Variants in PSD3 observed in about 807,000 individuals in gnomAD.
PSD3 encodes the protein PH and SEC7 domain-containing protein 3.
A neutral mutation model predicts 105.5 loss-of-function variants in PSD3; 49 were observed. The observed-to-expected ratio is 0.46, with a 90% CI of 0.37 to 0.59. The LOEUF (loss-of-function observed/expected upper bound fraction) is 0.59. Ranked by LOEUF, PSD3 falls within the 20% of genes least tolerant of loss-of-function variation. The pLI, the probability that PSD3 is intolerant of heterozygous loss-of-function variation, is 0.00. For missense variants in PSD3, 1,561 were observed against 1,263.8 expected, an observed-to-expected ratio of 1.24 and a Z score of -3.57; for synonymous variants, 557 against 457.8, an observed-to-expected ratio of 1.22 and a Z score of -2.77.
chr8:18,845,458 G>A (rs891752059), intron 4 of PSD3, among the ~76,000 whole-genome samples: 5 of 152,278 alleles, frequency 3.3e-5, no homozygotes, highest in African/African-American at 1.2e-4. Context: ...GTCACTTCCA[G>A]GTGCATAGCA....
intron 8 of PSD3, among the ~76,000 whole-genome samples, chr8:18,766,155 A>C (rs1806980861): frequency 6.6e-6 from 1 of 151,932 alleles, no homozygotes; most frequent in African/African-American, 2.4e-5. Flanking sequence ...CCAACATGGC[A>C]AAATGCTGTC....
At chr8:18,919,044 C>T (rs1455124194) in intron 2 of PSD3, among the ~76,000 whole-genome samples, 1 of 152,042 alleles carries the variant, frequency 6.6e-6, no homozygotes, top group East Asian at 1.9e-4. Context: ...TTTTTTTAAG[C>T]ACTAGTCCCT....
intron 9 of PSD3, among the ~76,000 whole-genome samples, chr8:18,688,085 A>G (rs7017731): frequency 0.016 from 2,366 of 151,290 alleles, 51 homozygotes; most frequent in East Asian, 0.04. Flanking sequence ...TGCTATTTTT[A>G]TTTATATTTT....
intron 8 of PSD3, among the ~76,000 whole-genome samples, 153 bp from the exon 9 acceptor site, chr8:18,765,691 C>A (rs1420430183): frequency 1.3e-5 from 2 of 152,136 alleles, no homozygotes; most frequent in East Asian, 3.9e-4. Context: ...CTTTGGGAGG[C>A]CGAGGTGGGT....
intron 11 of PSD3, among the ~76,000 whole-genome samples, chr8:18,603,763 G>C (rs1804609003): frequency 6.6e-6 from 1 of 152,110 alleles, no homozygotes; most frequent in East Asian, 1.9e-4. Context: ...GAATGCTCGT[G>C]AGATCTGGTT....
intron 10 of PSD3, among the ~76,000 whole-genome samples, chr8:18,636,142 C>T (rs1487743): frequency 0.34 from 51,971 of 151,898 alleles, 9,179 homozygotes; most frequent in Middle Eastern, 0.47. Flanking sequence ...ATACATGAGG[C>T]GAAAGACAGT....
At chr8:18,667,036 G>T (rs1034725519) in intron 9 of PSD3, among the ~76,000 whole-genome samples, 2 of 152,100 alleles carry the variant, frequency 1.3e-5, no homozygotes, top group African/African-American at 4.8e-5. Context: ...TGGGTTCGTG[G>T]TCTCGCTGGC....
intron 14 of PSD3, among the ~76,000 whole-genome samples, chr8:18,565,355 C>T (rs1434111325): frequency 6.6e-6 from 1 of 152,094 alleles, no homozygotes; most frequent in Non-Finnish European, 1.5e-5. Flanking sequence ...AGTCTTTCCA[C>T]CCCCAATAGA....
chr8:18,883,947 A>T (rs1176353831), intron 2 of PSD3, among the ~76,000 whole-genome samples: 3 of 152,194 alleles, frequency 2.0e-5, no homozygotes, highest in African/African-American at 7.2e-5. Context: ...CAGTTAGTAA[A>T]CACCTTAAAA....
chr8:18,590,177 G>A (rs546500918), intron 12 of PSD3, among the ~76,000 whole-genome samples: 239 of 152,096 alleles, frequency 1.6e-3, no homozygotes, highest in Middle Eastern at 0.014. Context: ...CTCATATATG[G>A]CATTATTATA....
chr8:18,695,558 T>C (rs933254010), intron 9 of PSD3, among the ~76,000 whole-genome samples: 2 of 152,172 alleles, frequency 1.3e-5, no homozygotes, highest in African/African-American at 2.4e-5. Flanking sequence ...AAACAATACA[T>C]ATAATATTTA....
chr8:18,638,712 T>C (rs1178011342), intron 10 of PSD3, among the ~76,000 whole-genome samples: 3 of 152,186 alleles, frequency 2.0e-5, no homozygotes, highest in Non-Finnish European at 2.9e-5. Flanking sequence ...CAAATTCCAA[T>C]GTCATTTTTT....
At chr8:18,957,618 G>T (rs1306202624) in intron 1 of PSD3, among the ~76,000 whole-genome samples, 1 of 152,158 alleles carries the variant, frequency 6.6e-6, no homozygotes, top group African/African-American at 2.4e-5. Flanking sequence ...GACAGGGAGG[G>T]CTGTAAAAAA....
intron 1 of PSD3, among the ~76,000 whole-genome samples, chr8:18,945,088 G>C (rs1442713217): frequency 6.8e-6 from 1 of 147,006 alleles, no homozygotes; most frequent in Non-Finnish European, 1.5e-5. Flanking sequence ...ACACACATAC[G>C]TACACACACA....
At chr8:18,549,206 A>T (rs1427953644) in intron 15 of PSD3, among the ~76,000 whole-genome samples, 1 of 125,078 alleles carries the variant, frequency 8.0e-6, no homozygotes, top group Non-Finnish European at 1.6e-5. Flanking sequence ...TTTGAGACAG[A>T]GTTTCACTCT....
intron 1 of PSD3, among the ~76,000 whole-genome samples, chr8:18,956,509 T>C (rs148473087): frequency 2.0e-5 from 3 of 152,166 alleles, no homozygotes; most frequent in Non-Finnish European, 4.4e-5. Flanking sequence ...TAGAGTATAT[T>C]TAGTTGGTAG....
chr8:18,973,541 T>A (rs1452890659), intron 1 of PSD3, among the ~76,000 whole-genome samples: 1 of 152,160 alleles, frequency 6.6e-6, no homozygotes, highest in Non-Finnish European at 1.5e-5. Flanking sequence ...TAGGGGCCCA[T>A]CCTTATGACC....
intron 9 of PSD3, among the ~76,000 whole-genome samples, chr8:18,738,725 T>C (rs963911069): frequency 6.6e-6 from 1 of 152,102 alleles, no homozygotes; most frequent in Admixed American, 6.6e-5. Context: ...ATAAACAGCA[T>C]ACACATTCAA....
chr8:18,724,409 C>G (rs1277551049), intron 9 of PSD3, among the ~76,000 whole-genome samples: 1 of 151,988 alleles, frequency 6.6e-6, no homozygotes, highest in African/African-American at 2.4e-5. Context: ...GCCAGGAGTT[C>G]AAAGCCAGCC....
Sources: gnomAD v4.1 joint callset for allele counts (sites outside exome capture counted in the v4.1 genomes callset) on GRCh38, gnomAD v4.1.1 for gene constraint, MANE v1.5 for transcripts, NCBI Gene and HGNC (gene_info 2026-07-23, HGNC 2026-07-21) for gene names.